The following TTC6 variants were observed in gnomAD, a reference collection of about 807,000 sequenced individuals.
TTC6 encodes the protein tetratricopeptide repeat protein 6.
A neutral mutation model predicts 210.4 loss-of-function variants in TTC6; 172 were observed. That is an observed-to-expected ratio of 0.82 (90% CI 0.72 to 0.93). The LOEUF is 0.93. Ranked by LOEUF, TTC6 falls within the 40% of genes least tolerant of loss-of-function variation. TTC6 has a pLI of 0.00. For missense variants in TTC6, 2,414 were observed against 2,318.1 expected, an observed-to-expected ratio of 1.04 and a Z score of -0.85; for synonymous variants, 804 against 819.6, an observed-to-expected ratio of 0.98 and a Z score of 0.32.
At chr14:37,722,307 C>T (rs1156450312) in intron 6 of TTC6, among the ~76,000 whole-genome samples, 1 of 152,112 alleles carries the variant, frequency 6.6e-6, no homozygotes, top group Non-Finnish European at 1.5e-5. Flanking sequence ...TAATATTTTC[C>T]TAGGACTCTT....
intron 3 of TTC6, 104 bp downstream of exon 5, chr14:37,683,068 C>T (rs1165511805): frequency 8.2e-6 from 8 of 975,976 alleles, no homozygotes; most frequent in Admixed American, 2.2e-5. Flanking sequence ...GGGCTGGGGG[C>T]GGGGGTGATG....
intron 4 of TTC6, among the ~76,000 whole-genome samples, chr14:37,697,593 C>G (rs760844985): frequency 4.6e-5 from 7 of 152,014 alleles, no homozygotes; most frequent in Non-Finnish European, 1.0e-4. Flanking sequence ...ATGGCCAGCT[C>G]AAACTTTGTA....
At chr14:37,595,877 C>G (rs1253641790) in exon 1 of TTC6, 1 of 152,074 alleles carries the variant, frequency 6.6e-6, no homozygotes, top group Non-Finnish European at 1.5e-5. Context: ...AGGGAAAAAG[C>G]CCCACTTTTG....
At chr14:37,623,677 T>C (rs934349481) in intron 1 of TTC6, among the ~76,000 whole-genome samples, 6 of 152,136 alleles carry the variant, frequency 3.9e-5, no homozygotes, top group African/African-American at 9.7e-5. Flanking sequence ...TTAAAAAAGA[T>C]TGGCACAGTG....
At chr14:37,778,246 G>A (rs1329780139) in intron 14 of TTC6, among the ~76,000 whole-genome samples, 1 of 152,300 alleles carries the variant, frequency 6.6e-6, no homozygotes, top group East Asian at 1.9e-4. Flanking sequence ...GTCCATTCAT[G>A]TGTTTGTGGC....
chr14:37,768,116 T>C (rs1380233726), intron 14 of TTC6, among the ~76,000 whole-genome samples: 5 of 150,974 alleles, frequency 3.3e-5, no homozygotes, highest in South Asian at 2.1e-4. Flanking sequence ...GTTGTAGATA[T>C]GCGGCGTTAT....
At chr14:37,737,912 A>G (rs1399479701) in intron 9 of TTC6, among the ~76,000 whole-genome samples, 178 bp downstream of exon 11, 1 of 151,916 alleles carries the variant, frequency 6.6e-6, no homozygotes, top group African/African-American at 2.4e-5. Context: ...CAGATGGTCA[A>G]TATCTCTGTT....
At chr14:37,756,696 C>A (rs2095968808) in intron 14 of TTC6, among the ~76,000 whole-genome samples, 1 of 152,152 alleles carries the variant, frequency 6.6e-6, no homozygotes, top group Non-Finnish European at 1.5e-5. Flanking sequence ...AGGGATAAAG[C>A]CGACTCAGTC....
At chr14:37,632,677 C>T (rs1400433868) in intron 1 of TTC6, among the ~76,000 whole-genome samples, 1 of 152,192 alleles carries the variant, frequency 6.6e-6, no homozygotes, top group Non-Finnish European at 1.5e-5. Context: ...TCTTCAGAGC[C>T]AGCAGGAAGG....
At chr14:37,643,267 C>T (rs568320714) in intron 1 of TTC6, among the ~76,000 whole-genome samples, 2 of 152,154 alleles carry the variant, frequency 1.3e-5, no homozygotes, top group African/African-American at 2.4e-5. Context: ...GAGATTGCAC[C>T]ATTGCACTCC....
intron 1 of TTC6, among the ~76,000 whole-genome samples, chr14:37,626,942 C>T (rs550175699): frequency 6.6e-6 from 1 of 152,300 alleles, no homozygotes; most frequent in East Asian, 1.9e-4. Flanking sequence ...TTTGTTCACA[C>T]TCAAATCTCA....
At chr14:37,657,608 A>G (rs2095727265) in intron 1 of TTC6, among the ~76,000 whole-genome samples, 1 of 152,186 alleles carries the variant, frequency 6.6e-6, no homozygotes, top group South Asian at 2.1e-4. Context: ...AAATTATTTA[A>G]TACACTATTA....
chr14:37,676,651 G>A (rs2095770304), intron 1 of TTC6, among the ~76,000 whole-genome samples: 1 of 152,052 alleles, frequency 6.6e-6, no homozygotes, highest in Admixed American at 6.6e-5. Context: ...CCAAGGTCAT[G>A]AAGATGTATT....
chr14:37,697,979 C>G (rs1264375778), intron 4 of TTC6, among the ~76,000 whole-genome samples: 1 of 151,810 alleles, frequency 6.6e-6, no homozygotes, highest in African/African-American at 2.4e-5. Context: ...GAAGAGTGTG[C>G]TATAAAAACA....
chr14:37,751,585 T>G (rs1450200171), intron 13 of TTC6, among the ~76,000 whole-genome samples: 1 of 152,106 alleles, frequency 6.6e-6, no homozygotes, highest in Non-Finnish European at 1.5e-5. Context: ...TTTTCTACTT[T>G]TTAACTCTTG....
intron 23 of TTC6, among the ~76,000 whole-genome samples, chr14:37,807,696 G>A (rs1173896335): frequency 6.6e-6 from 1 of 151,966 alleles, no homozygotes; most frequent in Non-Finnish European, 1.5e-5. Context: ...TATTAAGAAT[G>A]TAGCATATAT....
At chr14:37,769,744 A>G (rs996296976) in intron 14 of TTC6, among the ~76,000 whole-genome samples, 36 of 151,558 alleles carry the variant, frequency 2.4e-4, no homozygotes, top group South Asian at 1.0e-3. Context: ...TGATCCTTTC[A>G]AAAAACCAGC....
At chr14:37,720,234 T>C (rs1015367574) in intron 6 of TTC6, among the ~76,000 whole-genome samples, 3 of 152,080 alleles carry the variant, frequency 2.0e-5, no homozygotes, top group Non-Finnish European at 4.4e-5. Flanking sequence ...TATATTGTTT[T>C]TGGGAAGGTA....
At chr14:37,719,953 G>A (rs1275136644) in intron 6 of TTC6, among the ~76,000 whole-genome samples, 2 of 151,750 alleles carry the variant, frequency 1.3e-5, no homozygotes, top group South Asian at 2.1e-4. Context: ...ACACGTATCC[G>A]GCAAAGAATT....
Sources: gnomAD v4.1 joint callset for allele counts (sites outside exome capture counted in the v4.1 genomes callset) on GRCh38, gnomAD v4.1.1 for gene constraint, MANE v1.5 for transcripts, NCBI Gene and HGNC (gene_info 2026-07-23, HGNC 2026-07-21) for gene names.